METTL15: variants seen among roughly 807,000 people sequenced by gnomAD.
METTL15 encodes methyltransferase 15, mitochondrial 12S rRNA N4-cytidine.
METTL15 carries 34 observed loss-of-function variants against 38.3 expected under a neutral mutation model. The ratio of observed to expected loss-of-function variants is 0.89; its 90% CI spans 0.68 to 1.18. METTL15 has a LOEUF of 1.18. Ranked by LOEUF, METTL15 falls within the 50% of genes most tolerant of loss-of-function variation. The pLI, the probability that METTL15 is intolerant of heterozygous loss-of-function variation, is 0.00. For synonymous variants in METTL15, 162 were observed against 170.9 expected, an observed-to-expected ratio of 0.95 and a Z score of 0.41; for missense variants, 438 against 498.4, an observed-to-expected ratio of 0.88 and a Z score of 1.15.
chr11:28,410,615 A>T (rs1304095969), intron 5 of METTL15: 1 of 152,138 alleles, frequency 6.6e-6, no homozygotes, highest in African/African-American at 2.4e-5. Flanking sequence ...TATAGAAGGA[A>T]TATTTCTAAC....
At chr11:28,355,619 G>T (rs371482486) in intron 4 of METTL15, among the ~76,000 whole-genome samples, 1 of 152,078 alleles carries the variant, frequency 6.6e-6, no homozygotes, top group African/African-American at 2.4e-5. Flanking sequence ...AAGTATTTCC[G>T]TAGCATTTAC....
chr11:28,439,068 G>C (rs1200687063), intron 6 of METTL15, among the ~76,000 whole-genome samples: 1 of 151,580 alleles, frequency 6.6e-6, no homozygotes, highest in Admixed American at 6.6e-5. Context: ...GTCTGTGTAA[G>C]ATCCAGCAGA....
At chr11:28,181,852 G>T (rs1189035940) in intron 3 of METTL15, among the ~76,000 whole-genome samples, 1 of 152,054 alleles carries the variant, frequency 6.6e-6, no homozygotes, top group East Asian at 1.9e-4. Context: ...CACAATGGTT[G>T]AACTCATTTA....
rs142200586 is a variant in METTL15, at chr11:28,161,059, G to T, written c.270+47455G>T. ...ATCACATTAAGTATTAAGTATTACA[G>T]TATACAAATGAAAGATGACAGTGAT... On this transcript the variant is annotated intron_variant, in intron 3 of 6. Coordinates refer to ENST00000407364, the MANE Select transcript of METTL15 (RefSeq NM_001113528.2). Among the ~76,000 whole-genome samples the T allele has an allele frequency of 1.3e-3, 190 of 148,724 alleles. 1 individual carries two copies. The highest frequency in any genetic ancestry group is 4.4e-3 in the African/African-American group (181 of 40,854).
chr11:28,500,116 A>C (rs1222841044), intron 6 of METTL15, among the ~76,000 whole-genome samples: 2 of 151,956 alleles, frequency 1.3e-5, no homozygotes. Context: ...GAGGCCCATG[A>C]CATAGAAACT....
At chr11:28,473,122 C>G (rs1305082910) in intron 6 of METTL15, among the ~76,000 whole-genome samples, 2 of 152,136 alleles carry the variant, frequency 1.3e-5, no homozygotes, top group Non-Finnish European at 2.9e-5. Context: ...TGACATTCAA[C>G]AGCTGAGATG....
chr11:28,290,077 A>G (rs1020007273), intron 4 of METTL15, 129 bp from the exon 5 acceptor site: 2 of 757,570 alleles, frequency 2.6e-6, no homozygotes, highest in Admixed American at 6.4e-5. Context: ...ATACAACACT[A>G]AGCACTCAAT....
At chr11:28,162,866 T>G (rs574326568) in intron 3 of METTL15, among the ~76,000 whole-genome samples, 11 of 152,274 alleles carry the variant, frequency 7.2e-5, no homozygotes, top group African/African-American at 2.6e-4. Context: ...TTTGACTGAA[T>G]GCATATAACT....
At chr11:28,212,953 G>A (rs977916396) in intron 4 of METTL15, among the ~76,000 whole-genome samples, 1 of 151,800 alleles carries the variant, frequency 6.6e-6, no homozygotes, top group African/African-American at 2.4e-5. Context: ...TTTACCATGT[G>A]TAATTTTTTT....
At chr11:28,488,488 T>C (rs960737067) in intron 6 of METTL15, among the ~76,000 whole-genome samples, 1 of 152,184 alleles carries the variant, frequency 6.6e-6, no homozygotes, top group African/African-American at 2.4e-5. Context: ...TAGTGCTCCA[T>C]AGGATCTAAT....
At chr11:28,337,841 C>T (rs539793171), downstream of METTL15, among the ~76,000 whole-genome samples, 1 of 152,208 alleles carries the variant, frequency 6.6e-6, no homozygotes, top group South Asian at 2.1e-4. Flanking sequence ...GCTATACTAT[C>T]TAGGTTTATG....
Position 28,519,966 on chromosome 11 carries a change from T to C in METTL15, c.*425-6512T>C, listed in dbSNP as rs1458728566. On this transcript the variant is annotated intron_variant and NMD_transcript_variant, in intron 6 of 7. Coordinates refer to the METTL15 transcript ENST00000532947. ...GCTGATTCTCCTTAAAGCTACACAC[T>C]GTAGTTAAAGCACCAGTTTTTAGCA... 4.6e-5 allele frequency among the ~76,000 whole-genome samples: 7 copies of C among 152,172 alleles called. 1 individual carries two copies. In the South Asian group the frequency reaches 1.5e-3, roughly 32 times the overall value.
At chr11:28,515,920 T>A (rs1471177036) in intron 6 of METTL15, among the ~76,000 whole-genome samples, 2 of 152,244 alleles carry the variant, frequency 1.3e-5, no homozygotes, top group Admixed American at 6.5e-5. Flanking sequence ...CAGAAATATC[T>A]CAGCATCAGA....
At chr11:28,159,630 C>A (rs1458942749) in intron 3 of METTL15, among the ~76,000 whole-genome samples, 1 of 152,172 alleles carries the variant, frequency 6.6e-6, no homozygotes, top group African/African-American at 2.4e-5. Flanking sequence ...TGCATGTATA[C>A]ACTTGTACTA....
At chr11:28,180,177 T>C (rs1156585463) in intron 3 of METTL15, among the ~76,000 whole-genome samples, 2 of 151,890 alleles carry the variant, frequency 1.3e-5, no homozygotes, top group African/African-American at 4.8e-5. Context: ...GTACAAATTA[T>C]GTTTTGTTGT....
intron 6 of METTL15, among the ~76,000 whole-genome samples, chr11:28,511,827 C>T (rs1271643538): frequency 1.3e-5 from 2 of 152,240 alleles, no homozygotes; most frequent in East Asian, 1.9e-4. Flanking sequence ...GGGACTAGAA[C>T]GGGTTGCCAC....
At chr11:28,114,459 T>C (rs1221041286) in intron 3 of METTL15, among the ~76,000 whole-genome samples, 1 of 152,208 alleles carries the variant, frequency 6.6e-6, no homozygotes, top group Admixed American at 6.5e-5. Flanking sequence ...AGTTTTCTTT[T>C]CTTTTTTTTG....
intron 6 of METTL15, among the ~76,000 whole-genome samples, chr11:28,327,074 A>T (rs1020115626): frequency 6.6e-6 from 1 of 152,182 alleles, no homozygotes. Flanking sequence ...AGTTTAACCT[A>T]TCTAAAATAA....
At chr11:28,525,253 C>T (rs530603913) in intron 6 of METTL15, among the ~76,000 whole-genome samples, 18 of 152,182 alleles carry the variant, frequency 1.2e-4, no homozygotes, top group African/African-American at 1.7e-4. Context: ...CTTTTATTCT[C>T]TTTTCTGGCC....
Sources: gnomAD v4.1 joint callset for allele counts (sites outside exome capture counted in the v4.1 genomes callset) on GRCh38, gnomAD v4.1.1 for gene constraint, MANE v1.5 for transcripts, NCBI Gene and HGNC (gene_info 2026-07-23, HGNC 2026-07-21) for gene names.